NRG1: variants seen among roughly 807,000 people sequenced by gnomAD.
NRG1 encodes the protein neuregulin 1.
NRG1 carries 18 observed loss-of-function variants against 63.8 expected under a neutral mutation model. That is an observed-to-expected ratio of 0.28 (90% CI 0.19 to 0.42). The LOEUF (loss-of-function observed/expected upper bound fraction) is 0.42, where lower values mean the gene tolerates loss of function less well. NRG1 is among the 10% of genes least tolerant of loss of function. The pLI, the probability that NRG1 is intolerant of heterozygous loss-of-function variation, is 1.00. For synonymous variants in NRG1, 302 were observed against 301.3 expected, an observed-to-expected ratio of 1.00 and a Z score of -0.02; for missense variants, 762 against 814.7, an observed-to-expected ratio of 0.94 and a Z score of 0.79.
intron 1 of NRG1, chr8:32,026,076 T>G (rs1481483280): frequency 6.7e-6 from 1 of 148,938 alleles, no homozygotes; most frequent in Non-Finnish European, 1.5e-5. Flanking sequence ...TTTTTTTCTT[T>G]TTTTTTTTTT....
At chr8:32,646,518 G>A (rs1291532338) in intron 5 of NRG1, among the ~76,000 whole-genome samples, 2 of 152,048 alleles carry the variant, frequency 1.3e-5, no homozygotes, top group Non-Finnish European at 2.9e-5. Context: ...CAAGCCTCAG[G>A]TCCAACCCAT....
intron 1 of NRG1, among the ~76,000 whole-genome samples, chr8:31,790,092 G>A (rs1169982211): frequency 6.6e-6 from 1 of 152,158 alleles, no homozygotes; most frequent in Non-Finnish European, 1.5e-5. Flanking sequence ...ATTCAGCATA[G>A]TTATGATGTG....
intron 1 of NRG1, among the ~76,000 whole-genome samples, chr8:32,026,928 A>G (rs117832003): frequency 1.1e-3 from 170 of 152,086 alleles, no homozygotes; most frequent in Non-Finnish European, 2.1e-3. Context: ...CCTTCACTAT[A>G]ATTATCTTAA....
At chr8:32,193,076 G>GA (rs1392077353) in intron 1 of NRG1, among the ~76,000 whole-genome samples, 1 of 152,122 alleles carries the variant, frequency 6.6e-6, no homozygotes, top group African/African-American at 2.4e-5. Context: ...GTGGAATCAT[G>GA]AATGAATGAA....
At chr8:32,756,425 G>T in exon 9 of NRG1, 1 of 1,612,746 alleles carries the variant, frequency 6.2e-7, no homozygotes, top group South Asian at 1.1e-5. Context: ...AAAGCTGCAT[G>T]ACCGTCTTCG....
chr8:31,982,231 A>G (rs886650295), intron 1 of NRG1, among the ~76,000 whole-genome samples: 16 of 152,030 alleles, frequency 1.1e-4, no homozygotes, highest in African/African-American at 3.9e-4. Context: ...ATTTGAAAAG[A>G]TCATTCTTGC....
At chr8:32,020,448 C>T (rs1229057511) in intron 1 of NRG1, among the ~76,000 whole-genome samples, 1 of 151,920 alleles carries the variant, frequency 6.6e-6, no homozygotes, top group African/African-American at 2.4e-5. Context: ...TTTTTTCTTG[C>T]CAATTTTTGT....
chr8:31,730,545 C>T (rs1316164749), intron 1 of NRG1, among the ~76,000 whole-genome samples: 3 of 151,982 alleles, frequency 2.0e-5, no homozygotes, highest in Non-Finnish European at 2.9e-5. Flanking sequence ...AACAGATGGG[C>T]GTCAGACAAT....
rs539139507 is a variant in NRG1, at chr8:32,038,680, CG to C, written c.37+399251del. Among the ~76,000 whole-genome samples, 8 of 151,950 alleles carry C rather than the reference CG, an allele frequency of 5.3e-5. No individual in the cohort carries two copies. The South Asian group carries it at 1.7e-3, about 32-fold the overall frequency. On this transcript the variant is annotated intron_variant, in intron 1 of 10. Transcript: ENST00000519301. ...CAAGTTTTGAAATTCTGATTCAATACGGACTTTGAAAGGATGTGAAATTTGG... is the reference window on the plus strand; with the variant it reads ...CAAGTTTTGAAATTCTGATTCAATACGACTTTGAAAGGATGTGAAATTTGG...
intron 1 of NRG1, among the ~76,000 whole-genome samples, chr8:32,374,443 T>C (rs1276275549): frequency 6.6e-6 from 1 of 152,238 alleles, no homozygotes; most frequent in Non-Finnish European, 1.5e-5. Context: ...CCTGGTAGTA[T>C]CGGAGGCATC....
At chr8:32,367,150 A>AT (rs1204886800) in intron 1 of NRG1, among the ~76,000 whole-genome samples, 1 of 152,286 alleles carries the variant, frequency 6.6e-6, no homozygotes, top group East Asian at 1.9e-4. Context: ...TTGGGTAAAT[A>AT]TGTCATGGTG....
At chr8:31,946,657 T>G (rs1244395401) in intron 1 of NRG1, among the ~76,000 whole-genome samples, 1 of 152,172 alleles carries the variant, frequency 6.6e-6, no homozygotes, top group Non-Finnish European at 1.5e-5. Context: ...TTTTCAGGTG[T>G]GACACTAGCC....
At chr8:32,275,811 G>A (rs557569307) in intron 1 of NRG1, among the ~76,000 whole-genome samples, 58 of 151,922 alleles carry the variant, frequency 3.8e-4, no homozygotes, top group African/African-American at 1.4e-3. Context: ...CCCAGATGAT[G>A]CCCCTGCCTC....
chr8:32,001,951 T>C (rs1425938021), intron 1 of NRG1, among the ~76,000 whole-genome samples: 1 of 152,022 alleles, frequency 6.6e-6, no homozygotes, highest in Non-Finnish European at 1.5e-5. Flanking sequence ...AGGAGCTCAT[T>C]ATACACAGTT....
intron 1 of NRG1, among the ~76,000 whole-genome samples, chr8:32,489,853 TG>T (rs1826344994): frequency 1.3e-5 from 2 of 152,236 alleles, no homozygotes; most frequent in South Asian, 4.1e-4. Context: ...ACATTGTATT[TG>T]GAGTCTGATT....
chr8:32,333,870 A>G (rs370772714), intron 1 of NRG1, among the ~76,000 whole-genome samples: 87 of 152,346 alleles, frequency 5.7e-4, no homozygotes, highest in African/African-American at 1.9e-3. Context: ...GTGTAAACAC[A>G]ACAGATTCTT....
At chr8:32,694,166 C>T (rs759282454) in intron 5 of NRG1, among the ~76,000 whole-genome samples, 28 of 152,298 alleles carry the variant, frequency 1.8e-4, no homozygotes, top group Non-Finnish European at 3.4e-4. Flanking sequence ...CTGCCTGTCA[C>T]GTCTAGAATC....
intron 1 of NRG1, among the ~76,000 whole-genome samples, chr8:31,829,340 T>G (rs1824883524): frequency 6.6e-6 from 1 of 152,330 alleles, no homozygotes; most frequent in South Asian, 2.1e-4. Flanking sequence ...TGCTGGACAC[T>G]TAATTGGTGT....
chr8:32,115,055 G>A (rs1832532859), intron 1 of NRG1, among the ~76,000 whole-genome samples: 2 of 151,696 alleles, frequency 1.3e-5, no homozygotes, highest in African/African-American at 2.4e-5. Context: ...TTTTCAGATG[G>A]AGTCTTGCTC....
Sources: allele counts gnomAD v4.1 joint callset (sites outside exome capture counted in the v4.1 genomes callset), GRCh38; gene constraint gnomAD v4.1.1; transcripts MANE v1.5; gene names NCBI Gene and HGNC (gene_info 2026-07-23, HGNC 2026-07-21).